Variants in LRFN5 observed in about 807,000 individuals in gnomAD.
The protein encoded by LRFN5 is leucine-rich repeat and fibronectin type-III domain-containing protein 5.
In LRFN5, 24 loss-of-function variants were observed where a neutral mutation model predicts 45.6. The observed-to-expected ratio is 0.53, with a 90% CI of 0.38 to 0.74. LRFN5 has a LOEUF of 0.74. LRFN5 is among the 30% of genes least tolerant of loss of function. LRFN5 has a pLI of 0.00. For synonymous variants in LRFN5, 340 were observed against 313.8 expected (o/e 1.08, Z -0.88); for missense variants, 776 against 861.5 (o/e 0.90, Z 1.24).
At chr14:41,678,326 A>G (rs1174634350) in intron 1 of LRFN5, among the ~76,000 whole-genome samples, 4 of 152,056 alleles carry the variant, frequency 2.6e-5, no homozygotes, top group Non-Finnish European at 5.9e-5. Flanking sequence ...AAATATTCAA[A>G]TAATGGTTGA....
chr14:41,775,471 G>A (rs1037742303), intron 2 of LRFN5, among the ~76,000 whole-genome samples: 1 of 152,026 alleles, frequency 6.6e-6, no homozygotes, highest in South Asian at 2.1e-4. Context: ...TAAGAATCTG[G>A]CTTTCTTTTT....
intron 1 of LRFN5, among the ~76,000 whole-genome samples, chr14:41,679,686 C>A (rs544432317): frequency 6.6e-6 from 1 of 151,934 alleles, no homozygotes; most frequent in African/African-American, 2.4e-5. Flanking sequence ...ACATTCCCAG[C>A]GGTGGTAGCT....
intron 1 of LRFN5, among the ~76,000 whole-genome samples, chr14:41,729,527 G>T (rs927612175): frequency 2.0e-5 from 3 of 151,932 alleles, no homozygotes; most frequent in Non-Finnish European, 2.9e-5. Context: ...CACAAACAGA[G>T]TAATACAACA....
chr14:41,683,412 C>G (rs1186138842), intron 1 of LRFN5, among the ~76,000 whole-genome samples: 1 of 152,076 alleles, frequency 6.6e-6, no homozygotes, highest in East Asian at 1.9e-4. Flanking sequence ...TGGAATGAGA[C>G]AAAGATACCC....
At chr14:41,772,393 A>T (rs1886122517) in intron 2 of LRFN5, among the ~76,000 whole-genome samples, 1 of 152,206 alleles carries the variant, frequency 6.6e-6, no homozygotes, top group South Asian at 2.1e-4. Context: ...ATCCCGTAAA[A>T]TATGATCCAC....
chr14:41,756,927 G>T (rs1885415242), intron 1 of LRFN5, among the ~76,000 whole-genome samples: 1 of 152,128 alleles, frequency 6.6e-6, no homozygotes, highest in Non-Finnish European at 1.5e-5. Flanking sequence ...ACGTACAGAT[G>T]GGGTTTTGGT....
intron 2 of LRFN5, among the ~76,000 whole-genome samples, chr14:41,794,620 A>T (rs1411034987): frequency 6.6e-6 from 1 of 152,090 alleles, no homozygotes; most frequent in Non-Finnish European, 1.5e-5. Flanking sequence ...AGATGAGCTT[A>T]GATGTGAGGG....
intron 1 of LRFN5, among the ~76,000 whole-genome samples, chr14:41,723,704 G>T (rs73305579): frequency 0.035 from 5,309 of 152,088 alleles, 314 homozygotes; most frequent in African/African-American, 0.12. Flanking sequence ...CTCTTCTCCT[G>T]TCCCAGGCCT....
intron 1 of LRFN5, among the ~76,000 whole-genome samples, chr14:41,688,333 TAAAG>T (rs1016449047): frequency 5.6e-4 from 85 of 152,140 alleles, no homozygotes; most frequent in African/African-American, 2.0e-3. Flanking sequence ...GTCTGAAACA[TAAAG>T]AAAGGAAAAA....
intron 2 of LRFN5, among the ~76,000 whole-genome samples, chr14:41,779,124 T>TA (rs1414816529): frequency 6.6e-6 from 1 of 151,818 alleles, no homozygotes; most frequent in East Asian, 1.9e-4. Context: ...GGGTATATAT[T>TA]AGCTGTAGGT....
intron 2 of LRFN5, 83 bp from the exon 3 acceptor site, chr14:41,886,523 C>T (rs1468570552): frequency 2.2e-6 from 2 of 890,226 alleles, no homozygotes; most frequent in Non-Finnish European, 1.7e-6. Context: ...TTCTAGATTG[C>T]ATACAAATAT....
At chr14:41,839,190 C>T (rs1291255473) in intron 2 of LRFN5, among the ~76,000 whole-genome samples, 2 of 152,060 alleles carry the variant, frequency 1.3e-5, no homozygotes, top group Non-Finnish European at 2.9e-5. Flanking sequence ...TTAATTACAG[C>T]TATCTCCTCT....
intron 1 of LRFN5, among the ~76,000 whole-genome samples, chr14:41,665,232 A>C (rs1880842480): frequency 1.3e-5 from 2 of 152,114 alleles, no homozygotes; most frequent in South Asian, 4.1e-4. Context: ...ATATAAGACT[A>C]ATGACCCACT....
At chr14:41,705,965 C>A (rs1883047201) in intron 1 of LRFN5, among the ~76,000 whole-genome samples, 1 of 152,126 alleles carries the variant, frequency 6.6e-6, no homozygotes, top group Non-Finnish European at 1.5e-5. Context: ...GACTACTGTG[C>A]CTCCAATTTC....
intron 1 of LRFN5, among the ~76,000 whole-genome samples, chr14:41,715,167 C>T (rs889292495): frequency 1.3e-5 from 2 of 152,136 alleles, no homozygotes; most frequent in African/African-American, 2.4e-5. Context: ...GAGAAAACAT[C>T]TTCAAAATCT....
intron 2 of LRFN5, among the ~76,000 whole-genome samples, chr14:41,771,708 T>C (rs538728020): frequency 3.9e-5 from 6 of 152,214 alleles, no homozygotes; most frequent in African/African-American, 1.4e-4. Flanking sequence ...GTCAGTGTGG[T>C]CTTCACCATC....
At chr14:41,655,032 T>C (rs1327772347) in intron 1 of LRFN5, among the ~76,000 whole-genome samples, 1 of 152,092 alleles carries the variant, frequency 6.6e-6, no homozygotes, top group African/African-American at 2.4e-5. Context: ...CTAAAGGATG[T>C]ATACTGTAAT....
intron 1 of LRFN5, among the ~76,000 whole-genome samples, chr14:41,663,354 C>G (rs1880743738): frequency 6.6e-6 from 1 of 151,892 alleles, no homozygotes; most frequent in South Asian, 2.1e-4. Context: ...GAAAAGCCAA[C>G]CAGAAGGTCA....
chr14:41,666,483 ACTC>A (rs1430509828), intron 1 of LRFN5, among the ~76,000 whole-genome samples: 1 of 151,930 alleles, frequency 6.6e-6, no homozygotes, highest in Non-Finnish European at 1.5e-5. Context: ...CATCATGACT[ACTC>A]CTGCTAAATG....
Sources: allele counts gnomAD v4.1 joint callset (sites outside exome capture counted in the v4.1 genomes callset), GRCh38; gene constraint gnomAD v4.1.1; transcripts MANE v1.5; gene names NCBI Gene and HGNC (gene_info 2026-07-23, HGNC 2026-07-21).